Variants in NXN observed in about 807,000 individuals in gnomAD.
The protein encoded by NXN is nucleoredoxin.
Under a neutral mutation model 48.6 loss-of-function variants are expected in NXN, and 16 were observed. That is an observed-to-expected ratio of 0.33 (90% CI 0.22 to 0.50). NXN has a LOEUF of 0.50. Among genes scored for constraint, NXN ranks in the 20% least tolerant of loss-of-function variants. NXN has a pLI of 0.98. For synonymous variants in NXN, 281 were observed against 269.6 expected, an observed-to-expected ratio of 1.04 and a Z score of -0.41; for missense variants, 492 against 605.5, an observed-to-expected ratio of 0.81 and a Z score of 1.97.
chr17:896,693 A>G (rs2467248), intron 1 of NXN, among the ~76,000 whole-genome samples: 74,371 of 152,050 alleles, frequency 0.49, 20,087 homozygotes, highest in African/African-American at 0.74. Flanking sequence ...CCCCGGCCCA[A>G]GGAAGTTTTT....
chr17:846,888 A>C (rs903504014), intron 1 of NXN, among the ~76,000 whole-genome samples: 4 of 152,300 alleles, frequency 2.6e-5, no homozygotes, highest in Non-Finnish European at 5.9e-5. Context: ...GGGTACAATG[A>C]ATTAAAGAAT....
At chr17:947,353 G>A (rs1210204731) in intron 1 of NXN, among the ~76,000 whole-genome samples, 1 of 152,120 alleles carries the variant, frequency 6.6e-6, no homozygotes, top group East Asian at 1.9e-4. Context: ...GGCTACACAG[G>A]CATTGAGCTG....
chr17:934,719 C>T (rs1447808498), intron 1 of NXN, among the ~76,000 whole-genome samples: 3 of 150,310 alleles, frequency 2.0e-5, no homozygotes, highest in East Asian at 4.1e-4. Context: ...ACTAAAAATA[C>T]AGAAATTAGC....
At chr17:803,317 A>G (rs1005512329) in intron 7 of NXN, among the ~76,000 whole-genome samples, 1 of 152,188 alleles carries the variant, frequency 6.6e-6, no homozygotes, top group Admixed American at 6.5e-5. Context: ...CACTGCAGCC[A>G]GCGCGGAGGC....
chr17:831,259 A>G (rs1913451642), intron 1 of NXN, among the ~76,000 whole-genome samples: 1 of 152,068 alleles, frequency 6.6e-6, no homozygotes. Flanking sequence ...CAGGACTTCA[A>G]GACCAGCCTG....
intron 1 of NXN, among the ~76,000 whole-genome samples, chr17:851,522 T>C (rs567376060): frequency 6.6e-6 from 1 of 152,334 alleles, no homozygotes; most frequent in East Asian, 1.9e-4. Context: ...CCTTCACCTC[T>C]TTGAGAAGCT....
rs143221439 is a variant in NXN at position 816,467 on chromosome 17, C to T, written c.820+2972G>A. Among the ~76,000 whole-genome samples, 203 of 152,014 alleles carry T rather than the reference C, an allele frequency of 1.3e-3. 1 individual carries two copies. Among genetic ancestry groups the T allele is most frequent in the African/African-American group, 4.7e-3 (196 of 41,458 alleles). On this transcript the variant is annotated intron_variant, in intron 5 of 7. Transcript: ENST00000336868. The stretch of plus-strand genomic sequence containing the variant: ...CCTCTGCACGTGCGGTTCCGTCTGC[C>T]GGGACCTTCCCTCCACCATCTGCTT...
Position 807,267 on chromosome 17 carries a change from A to C in NXN, c.821-2020T>G, listed in dbSNP as rs544629513. On this transcript the variant is annotated intron_variant, in intron 5 of 7. Transcript: ENST00000336868. ...AATCCCCCCGGCAAGGTCCTTCCTC[A>C]GAGTAGGGTGTTTCTGAAATTGGGC... Among the ~76,000 whole-genome samples, 283 of 152,270 alleles carry C rather than the reference A, an allele frequency of 1.9e-3. 1 individual carries two copies. The highest frequency in any genetic ancestry group is 6.4e-3 in the African/African-American group (266 of 41,534).
chr17:820,019 G>A (rs1160401237), intron 4 of NXN, among the ~76,000 whole-genome samples: 1 of 152,220 alleles, frequency 6.6e-6, no homozygotes, highest in Non-Finnish European at 1.5e-5. Flanking sequence ...AGCGGATCAG[G>A]GGATCCCAGG....
intron 1 of NXN, among the ~76,000 whole-genome samples, chr17:951,819 A>G (rs1397976860): frequency 4.6e-5 from 7 of 152,180 alleles, no homozygotes; most frequent in African/African-American, 9.7e-5. Flanking sequence ...GGAGAGCCAC[A>G]GGGGCAGAGA....
At chr17:970,054 T>C (rs1045859092) in intron 1 of NXN, among the ~76,000 whole-genome samples, 6 of 152,174 alleles carry the variant, frequency 3.9e-5, no homozygotes, top group African/African-American at 1.4e-4. Context: ...AAAAGGACTT[T>C]CTGATGTAGT....
intron 1 of NXN, among the ~76,000 whole-genome samples, chr17:865,183 T>C (rs1217857405): frequency 6.6e-6 from 1 of 152,094 alleles, no homozygotes; most frequent in Non-Finnish European, 1.5e-5. Flanking sequence ...CTGTATTAGG[T>C]AGCAATGTTT....
At chr17:819,337 GA>G (rs1912677280) in intron 5 of NXN, 101 bp downstream of exon 5, 3 of 804,576 alleles carry the variant, frequency 3.7e-6, no homozygotes, top group Non-Finnish European at 4.3e-6. Context: ...AATATTCATG[GA>G]AATAATGATG....
intron 1 of NXN, among the ~76,000 whole-genome samples, chr17:868,998 G>A (rs566240913): frequency 9.2e-5 from 14 of 152,286 alleles, no homozygotes; most frequent in East Asian, 5.8e-4. Context: ...CCAGGGCCCC[G>A]GGTGGAAGGT....
intron 1 of NXN, among the ~76,000 whole-genome samples, chr17:884,786 G>A (rs893612088): frequency 3.9e-5 from 6 of 152,248 alleles, no homozygotes; most frequent in Non-Finnish European, 8.8e-5. Flanking sequence ...CGGAGCTGAA[G>A]ACGGATCCCA....
chr17:915,034 A>C (rs2068673028), intron 1 of NXN, among the ~76,000 whole-genome samples: 1 of 151,886 alleles, frequency 6.6e-6, no homozygotes, highest in East Asian at 1.9e-4. Context: ...TCCCAGGTTC[A>C]AGAGATTCTC....
intron 1 of NXN, among the ~76,000 whole-genome samples, chr17:838,198 C>G (rs1362331105): frequency 7.6e-6 from 1 of 131,052 alleles, no homozygotes; most frequent in African/African-American, 2.9e-5. Context: ...GTGGCTCGAT[C>G]TCTGCTCACC....
chr17:944,809 C>CAA, intron 1 of NXN, among the ~76,000 whole-genome samples: 1 of 151,994 alleles, frequency 6.6e-6, no homozygotes. Context: ...GGGCAGAGGT[C>CAA]AAAAATTGTT....
chr17:817,586 G>A (rs375338750), intron 5 of NXN, among the ~76,000 whole-genome samples: 3 of 151,316 alleles, frequency 2.0e-5, no homozygotes, highest in East Asian at 2.0e-4. Flanking sequence ...GGAGAATGGC[G>A]TGAACCCGGG....
Sources: allele counts gnomAD v4.1 joint callset (sites outside exome capture counted in the v4.1 genomes callset), GRCh38; gene constraint gnomAD v4.1.1; transcripts MANE v1.5; gene names NCBI Gene and HGNC (gene_info 2026-07-23, HGNC 2026-07-21).